The following GDPD4 variants were observed in gnomAD, a reference collection of about 807,000 sequenced individuals.
The protein encoded by GDPD4 is glycerophosphodiester phosphodiesterase 6.
Under a neutral mutation model 67.8 loss-of-function variants are expected in GDPD4, and 60 were observed. The ratio of observed to expected loss-of-function variants is 0.88; its 90% CI spans 0.72 to 1.10. The LOEUF (loss-of-function observed/expected upper bound fraction) is 1.10. Ranked by LOEUF, GDPD4 falls within the 50% of genes least tolerant of loss-of-function variation. The probability of loss-of-function intolerance (pLI) is 0.00; values close to 1 mark genes in which losing one functional copy is unlikely to be tolerated. For missense variants in GDPD4, 623 were observed against 613.9 expected (o/e 1.01, Z -0.16); for synonymous variants, 212 against 210.9 (o/e 1.00, Z -0.04).
intron 7 of GDPD4, 130 bp downstream of exon 7, chr11:77,271,000 G>A: frequency 1.5e-6 from 1 of 666,284 alleles, no homozygotes; most frequent in South Asian, 1.8e-5. Flanking sequence ...GCATGCCTGA[G>A]TAACAAGCTA....
At chr11:77,291,265 G>A (rs767577576) in intron 1 of GDPD4, among the ~76,000 whole-genome samples, 1 of 152,128 alleles carries the variant, frequency 6.6e-6, no homozygotes, top group Non-Finnish European at 1.5e-5. Context: ...AAATAAGTCA[G>A]GCACAAAAAG....
In GDPD4 at chr11:77,269,138, C is replaced by A; in HGVS notation, c.479-69G>T. On this transcript the variant is annotated intron_variant, in intron 8 of 16. Coordinates refer to ENST00000315938, the MANE Select transcript of GDPD4 (RefSeq NM_182833.3). ...AAGAGGGATGGAAAATCATCCCAAG[C>A]AAAGCAGCAGTCTGAGTAAACCCAC... 7 of 1,439,948 alleles carry A rather than the reference C, an allele frequency of 4.9e-6. No homozygotes were observed. In the South Asian group the frequency reaches 8.7e-5, roughly 18 times the overall value. The allele number at this position is 1,439,948 out of a possible 1,614,324, so 89.2% of individuals were successfully genotyped here.
At chr11:77,240,716 A>T (rs1005017889) in intron 13 of GDPD4, among the ~76,000 whole-genome samples, 1 of 152,180 alleles carries the variant, frequency 6.6e-6, no homozygotes, top group Non-Finnish European at 1.5e-5. Context: ...ATGGGAGAAA[A>T]TATTTAATAG....
chr11:77,287,331 G>A lies in GDPD4; in HGVS notation c.-164C>T, dbSNP rs1037870312. On this transcript the variant is annotated 5_prime_UTR_variant, in exon 2 of 17. Coordinates refer to ENST00000315938, the MANE Select transcript of GDPD4 (RefSeq NM_182833.3). ...AAGCATTTGTGGTTGAAGATGCGTGGAATCCATGGATTAAGCTTTTTTGGT... is the reference window on the plus strand; with the variant it reads ...AAGCATTTGTGGTTGAAGATGCGTGAAATCCATGGATTAAGCTTTTTTGGT... 7.2e-5 allele frequency: 11 copies of A among 152,214 alleles called. No homozygotes were observed. Among genetic ancestry groups the A allele is most frequent in the Non-Finnish European group, 1.5e-4 (10 of 68,034 alleles). 9.4% of individuals were successfully genotyped at this position (152,214 alleles called of 1,614,324 possible). A position where few individuals can be genotyped will look rare whatever the true frequency, so the allele number is the denominator to read the frequency against.
intron 16 of GDPD4, among the ~76,000 whole-genome samples, chr11:77,225,070 C>CT (rs1429484372): frequency 1.3e-5 from 2 of 151,888 alleles, no homozygotes; most frequent in African/African-American, 4.8e-5. Context: ...TGCCACTATA[C>CT]TCCAGACTTG....
chr11:77,232,716 A>G (rs1958476539), intron 14 of GDPD4, among the ~76,000 whole-genome samples: 1 of 152,218 alleles, frequency 6.6e-6, no homozygotes, highest in Admixed American at 6.5e-5. Context: ...ACCACATGCA[A>G]AGATATCTTT....
chr11:77,243,604 T>G, intron 13 of GDPD4, 90 bp downstream of exon 13: 3 of 1,118,906 alleles, frequency 2.7e-6, no homozygotes, highest in Non-Finnish European at 4.0e-6. Context: ...AATTCCGAGA[T>G]GGAAAGGGGA....
intron 11 of GDPD4, among the ~76,000 whole-genome samples, chr11:77,257,561 ACAC>A (rs1959027098): frequency 7.0e-6 from 1 of 142,220 alleles, no homozygotes; most frequent in South Asian, 2.2e-4. Context: ...CTACACACAC[ACAC>A]ACACACACAC....
At chr11:77,225,428 A>G (rs1451632545) in intron 16 of GDPD4, among the ~76,000 whole-genome samples, 3 of 152,152 alleles carry the variant, frequency 2.0e-5, no homozygotes, top group Non-Finnish European at 4.4e-5. Flanking sequence ...GACTAAAATT[A>G]TGTCCAATTT....
intron 11 of GDPD4, among the ~76,000 whole-genome samples, chr11:77,248,375 G>A (rs1467601252): frequency 2.6e-5 from 4 of 151,266 alleles, no homozygotes; most frequent in African/African-American, 4.9e-5. Context: ...GCTCATTGTT[G>A]TATTTTTACT....
chr11:77,263,779 A>T (rs906108941), intron 10 of GDPD4, among the ~76,000 whole-genome samples: 3 of 152,118 alleles, frequency 2.0e-5, no homozygotes, highest in African/African-American at 7.2e-5. Context: ...TTTGTTCATC[A>T]TGGATGCTAA....
At chr11:77,299,019 A>G (rs1187825201) in intron 1 of GDPD4, among the ~76,000 whole-genome samples, 1 of 152,090 alleles carries the variant, frequency 6.6e-6, no homozygotes, top group Non-Finnish European at 1.5e-5. Context: ...CCCCTTAGAC[A>G]GGAATTTGGA....
At chr11:77,266,939 A>C (rs1415274367) in intron 10 of GDPD4, among the ~76,000 whole-genome samples, 1 of 152,216 alleles carries the variant, frequency 6.6e-6, no homozygotes, top group Non-Finnish European at 1.5e-5. Context: ...CTAAGTGAAC[A>C]GTGTTTATAA....
intron 10 of GDPD4, among the ~76,000 whole-genome samples, chr11:77,265,259 AG>A (rs1247745010): frequency 6.6e-6 from 1 of 152,128 alleles, no homozygotes; most frequent in African/African-American, 2.4e-5. Context: ...AGAACCTAGA[AG>A]GGTAGACCAA....
intron 16 of GDPD4, among the ~76,000 whole-genome samples, chr11:77,224,931 A>C (rs2135821990): frequency 6.7e-6 from 1 of 148,646 alleles, no homozygotes; most frequent in South Asian, 2.1e-4. Context: ...GTGAGATGCC[A>C]TCTCTACCTT....
chr11:77,290,433 G>GA (rs1359214389), intron 1 of GDPD4, among the ~76,000 whole-genome samples: 4 of 151,642 alleles, frequency 2.6e-5, no homozygotes, highest in Non-Finnish European at 4.4e-5. Flanking sequence ...GACCACAATG[G>GA]AAAAAAAGTA....
At chr11:77,249,988 G>A (rs1312671870) in intron 11 of GDPD4, among the ~76,000 whole-genome samples, 1 of 151,996 alleles carries the variant, frequency 6.6e-6, no homozygotes, top group African/African-American at 2.4e-5. Flanking sequence ...TTTTTAAAAA[G>A]TATAACATCT....
chr11:77,284,830 C>T (rs996249528), intron 3 of GDPD4, among the ~76,000 whole-genome samples: 8 of 152,136 alleles, frequency 5.3e-5, no homozygotes, highest in Admixed American at 3.9e-4. Flanking sequence ...ATATTGGAAG[C>T]ATGAAAGCTT....
chr11:77,221,930 T>C (rs918378768), intron 16 of GDPD4, among the ~76,000 whole-genome samples: 15 of 152,260 alleles, frequency 9.9e-5, no homozygotes, highest in African/African-American at 3.6e-4. Flanking sequence ...ATTGGGTGCA[T>C]ATATATTTAG....
Sources: allele counts gnomAD v4.1 joint callset (sites outside exome capture counted in the v4.1 genomes callset), GRCh38; gene constraint gnomAD v4.1.1; transcripts MANE v1.5; gene names NCBI Gene and HGNC (gene_info 2026-07-23, HGNC 2026-07-21).